Variants in OR1L6 observed in about 807,000 individuals in gnomAD.
OR1L6 encodes the protein olfactory receptor family 1 subfamily L member 6.
Under a neutral mutation model 3.0 loss-of-function variants are expected in OR1L6, and 2 were observed. That is an observed-to-expected ratio of 0.68 (90% confidence interval 0.28 to 2.13). The LOEUF is 2.13. OR1L6 is among the 30% of genes most tolerant of loss of function. The pLI is 0.14. For synonymous variants in OR1L6, 121 were observed against 148.4 expected (o/e 0.82, Z 1.34); for missense variants, 304 against 378.4 (o/e 0.80, Z 1.63).
intron 1 of OR1L6, among the ~76,000 whole-genome samples, chr9:122,744,923 A>G (rs1447725840): frequency 1.3e-5 from 2 of 152,214 alleles, no homozygotes; most frequent in Non-Finnish European, 2.9e-5. Context: ...TGCCCCTGAG[A>G]AAAATCTCAT....
At position 122,749,898 on chromosome 9, in the gene OR1L6, C is replaced by A. The variant is rs768807615; in HGVS notation, c.51C>A (p.Gly17=). ...SSSTSGFILL[G]LSSNPQLQKP... ...GCACCTCAGGCTTCATCCTCCTGGGCCTCTCTTCCAACCCTCAGCTGCAGA... is the reference window on the plus strand; with the variant it reads ...GCACCTCAGGCTTCATCCTCCTGGGACTCTCTTCCAACCCTCAGCTGCAGA... Residue 17 remains glycine, a synonymous_variant, in exon 2 of 2, where the codon GGC becomes GGA. Coordinates refer to ENST00000304720, the MANE Select transcript of OR1L6 (RefSeq NM_001004453.3). 4.3e-6 allele frequency: 7 copies of A among 1,614,034 alleles called. No homozygotes were observed. Among genetic ancestry groups the A allele is most frequent in the Non-Finnish European group, 2.5e-6 (3 of 1,180,030 alleles).
intron 1 of OR1L6, among the ~76,000 whole-genome samples, chr9:122,747,594 C>T (rs1007154861): frequency 1.3e-5 from 2 of 151,986 alleles, no homozygotes; most frequent in African/African-American, 4.8e-5. Flanking sequence ...TGTTCTGTTA[C>T]AATTTCTTCA....
At chr9:122,743,731 C>A (rs570856492) in intron 1 of OR1L6, among the ~76,000 whole-genome samples, 1 of 152,296 alleles carries the variant, frequency 6.6e-6, no homozygotes, top group East Asian at 1.9e-4. Context: ...TAAGTCATAG[C>A]CTGTCATCTC....
chr9:122,747,679 A>G (rs1184607474), intron 1 of OR1L6, among the ~76,000 whole-genome samples: 1 of 152,016 alleles, frequency 6.6e-6, no homozygotes, highest in African/African-American at 2.4e-5. Context: ...AACACTGTCA[A>G]TTGAAATGTT....
chr9:122,746,870 T>C lies in OR1L6; in HGVS notation c.-13-2965T>C, dbSNP rs115356585. On this transcript the variant is annotated intron_variant, in intron 1 of 1. Transcript: ENST00000304720. ...GGTAACTGTGTTGCAAATATTTTCA[T>C]TGAGTCAATAGTTTCTATTTTAGCT... Among the ~76,000 whole-genome samples the C allele has an allele frequency of 2.3e-3, 353 of 152,324 alleles. 2 individuals are homozygous for C. The highest frequency in any genetic ancestry group is 8.1e-3 in the African/African-American group (336 of 41,582).
Position 122,750,425 on chromosome 9 carries a change from C to T in OR1L6, c.578C>T (p.Thr193Ile). ...QPVLKLSCSDTSSSQMVVMTE... is the reference protein window; with the variant it reads ...QPVLKLSCSDISSSQMVVMTE... ...GTGCTAAAGCTCTCCTGCTCTGACA[C>T]ATCCTCCAGCCAGATGGTGGTGATG... is the stretch of plus-strand genomic sequence containing the variant. The change falls in exon 2 of 2, where the codon ACA (threonine) becomes ATA (isoleucine). Residue 193 changes from threonine (T) to isoleucine (I), a missense_variant. Around this residue, in one of 3 missense-constraint regions of OR1L6, gnomAD observed 192 missense variants for 242.7 expected, o/e 0.79. Transcript: ENST00000304720. 6.2e-7 allele frequency: 1 copy of T among 1,602,000 alleles called. No individual in the cohort carries two copies. The highest frequency in any genetic ancestry group is 1.1e-5 in the South Asian group (1 of 90,476).
At chr9:122,744,084 G>A (rs1392478222) in intron 1 of OR1L6, among the ~76,000 whole-genome samples, 1 of 152,186 alleles carries the variant, frequency 6.6e-6, no homozygotes, top group Non-Finnish European at 1.5e-5. Flanking sequence ...GTTGTAAAGG[G>A]CAAAATAATG....
chr9:122,743,476 GAGA>G (rs908625783), intron 1 of OR1L6, among the ~76,000 whole-genome samples: 2 of 152,356 alleles, frequency 1.3e-5, no homozygotes, highest in East Asian at 1.9e-4. Flanking sequence ...GAACTGAAAA[GAGA>G]AGAAGCCAGC....
intron 1 of OR1L6, among the ~76,000 whole-genome samples, chr9:122,744,711 G>C (rs1292334160): frequency 2.0e-5 from 3 of 152,186 alleles, no homozygotes; most frequent in Non-Finnish European, 4.4e-5. Flanking sequence ...TGTATGAGCA[G>C]TTATGCTAAT....
chr9:122,750,230 G>A lies in OR1L6; in HGVS notation c.383G>A (p.Cys128Tyr), dbSNP rs1251194727. 2 of 1,613,920 alleles carry A rather than the reference G, an allele frequency of 1.2e-6. No homozygotes were observed. The highest frequency in any genetic ancestry group is 1.7e-6 in the Non-Finnish European group (2 of 1,180,016). ...GCCATCGACCGGCTGGTGGCCATCT[G>A]CAACCCCTTACACTATGATGTGGTT... is the stretch of plus-strand genomic sequence containing the variant. ...SMAIDRLVAI[C>Y]NPLHYDVVMK... is the part of the protein sequence containing the mutation. The change falls in exon 2 of 2, where the codon TGC becomes TAC. Residue 128 changes from cysteine (C) to tyrosine (Y), a missense_variant. This residue lies in a region of OR1L6 where 192 missense variants were observed against 242.7 expected (regional missense o/e 0.79). Transcript: ENST00000304720.
chr9:122,749,345 A>G (rs1474105798), intron 1 of OR1L6, among the ~76,000 whole-genome samples: 1 of 152,192 alleles, frequency 6.6e-6, no homozygotes, highest in African/African-American at 2.4e-5. Context: ...TGCTTTGGGC[A>G]GTATGGTCAT....
chr9:122,747,881 T>C (rs1828851948), intron 1 of OR1L6, among the ~76,000 whole-genome samples: 1 of 152,140 alleles, frequency 6.6e-6, no homozygotes, highest in Non-Finnish European at 1.5e-5. Context: ...GACCACTATA[T>C]CAACAGTATA....
intron 1 of OR1L6, among the ~76,000 whole-genome samples, chr9:122,745,919 G>A (rs532940613): frequency 1.3e-5 from 2 of 152,102 alleles, no homozygotes; most frequent in East Asian, 1.9e-4. Context: ...GGTTTGTTAT[G>A]TAGGTATACA....
rs142976675 is a variant in OR1L6, at chr9:122,749,366, T to C, written c.-13-469T>C. Among the ~76,000 whole-genome samples the C allele has an allele frequency of 7.1e-3, 1,080 of 152,354 alleles. 11 individuals carry two copies. Among genetic ancestry groups the C allele is most frequent in the African/African-American group, 0.025 (1,019 of 41,582 alleles). ...GGGCAGTATGGTCATTTTAACTATA[T>C]TAATTCTCCTGATCCATGAGCATGG... On this transcript the variant is annotated intron_variant, in intron 1 of 1. Transcript: ENST00000304720.
chr9:122,750,304 T>G lies in OR1L6; in HGVS notation c.457T>G (p.Ser153Ala). The G allele has an allele frequency of 6.2e-7, 1 of 1,613,900 alleles. No individual in the cohort carries two copies. The highest frequency in any genetic ancestry group is 1.7e-5 in the Admixed American group (1 of 59,962). Reference sequence around the variant, plus strand: ...CATGCTATTGGGTTCTTGCAGCATCTCCCACCTACATTCCCTGTTCCGCGT... The same window carrying G: ...CATGCTATTGGGTTCTTGCAGCATCGCCCACCTACATTCCCTGTTCCGCGT... The part of the protein sequence containing the change: ...LLMLLGSCSI[S>A]HLHSLFRVLL... Residue 153 changes from serine to alanine, a missense_variant, in exon 2 of 2, where the codon TCC (serine) becomes GCC (alanine). Physicochemically the swap from Ser to Ala is moderately conservative, Grantham distance 99. This residue lies in a region of OR1L6 where 192 missense variants were observed against 242.7 expected (regional missense o/e 0.79). Coordinates refer to ENST00000304720, the MANE Select transcript of OR1L6 (RefSeq NM_001004453.3).
intron 1 of OR1L6, among the ~76,000 whole-genome samples, chr9:122,745,991 T>TA (rs1828833192): frequency 6.6e-6 from 1 of 152,126 alleles, no homozygotes; most frequent in South Asian, 2.1e-4. Context: ...TGGCATGCAT[T>TA]ACATATTTGT....
intron 1 of OR1L6, among the ~76,000 whole-genome samples, chr9:122,742,968 T>C (rs1163284340): frequency 2.0e-5 from 3 of 152,122 alleles, no homozygotes; most frequent in African/African-American, 4.8e-5. Context: ...ATCACGGAAA[T>C]TGAACAGTCG....
chr9:122,750,368 T>C lies in OR1L6; in HGVS notation c.521T>C (p.Ile174Thr), dbSNP rs1324757759. 2 of 1,613,586 alleles carry C rather than the reference T, an allele frequency of 1.2e-6. No individual in the cohort carries two copies. The highest frequency in any genetic ancestry group is 2.2e-5 in the East Asian group (1 of 44,872). The change falls in exon 2 of 2, where the codon ATC becomes ACC. Residue 174 changes from isoleucine to threonine, a missense_variant. Ile to Thr is a moderately conservative substitution (Grantham distance 89, BLOSUM62 -1). This residue lies in a region of OR1L6 where 192 missense variants were observed against 242.7 expected (regional missense o/e 0.79). Coordinates refer to ENST00000304720, the MANE Select transcript of OR1L6 (RefSeq NM_001004453.3). ...CGCTTGTCTTTCTGTGCCTCTCACA[T>C]CATTAAGCACTTTTTCTGTGACACC... is the stretch of plus-strand genomic sequence containing the variant. ...MSRLSFCASH[I>T]IKHFFCDTQP...
At position 122,750,228 on chromosome 9, in the gene OR1L6, CT is replaced by C; in HGVS notation, c.382del (p.Cys128AlafsTer10). 6.2e-7 allele frequency: 1 copy of C among 1,614,148 alleles called. No homozygotes were observed. Among genetic ancestry groups the C allele is most frequent in the African/African-American group, 1.3e-5 (1 of 75,048 alleles). On this transcript the variant is annotated frameshift_variant, in exon 2 of 2. Coordinates refer to ENST00000304720, the MANE Select transcript of OR1L6 (RefSeq NM_001004453.3). LOFTEE classifies it high-confidence loss of function. Reference sequence around the variant, plus strand: ...TGGCCATCGACCGGCTGGTGGCCATCTGCAACCCCTTACACTATGATGTGGT... The same window carrying C: ...TGGCCATCGACCGGCTGGTGGCCATCGCAACCCCTTACACTATGATGTGGT... Reference protein sequence around the residue: ...SMAIDRLVAICNPLHYDVVMK... With the variant: ...SMAIDRLVAIXNPLHYDVVMK...
Sources: allele counts gnomAD v4.1 joint callset (sites outside exome capture counted in the v4.1 genomes callset), GRCh38; gene constraint gnomAD v4.1.1; regional missense constraint gnomAD v4.1.1; transcripts MANE v1.5; gene names NCBI Gene and HGNC (gene_info 2026-07-23, HGNC 2026-07-21).